Variants in FERRY3 observed in about 807,000 individuals in gnomAD.
FERRY3 encodes FERRY endosomal RAB5 effector complex subunit 3.
the FERRY3 span, among the ~76,000 whole-genome samples, chr12:4,526,644 C>G: frequency 6.6e-6 from 1 of 152,006 alleles, no homozygotes; most frequent in Non-Finnish European, 1.5e-5. Flanking sequence ...GAGTTCAAGA[C>G]CAGCCTGGCC....
At chr12:4,538,045 A>G in the FERRY3 span, among the ~76,000 whole-genome samples, 1 of 152,156 alleles carries the variant, frequency 6.6e-6, no homozygotes, top group Non-Finnish European at 1.5e-5. Flanking sequence ...ATGAATCAGG[A>G]ATGTTGAAAA....
the FERRY3 span, among the ~76,000 whole-genome samples, chr12:4,506,240 A>G: frequency 6.6e-6 from 1 of 152,190 alleles, no homozygotes; most frequent in African/African-American, 2.4e-5. Context: ...CCAATTAAAA[A>G]CTATTTTGGA....
chr12:4,517,950 G>A, the FERRY3 span: 1 of 888,808 alleles, frequency 1.1e-6, no homozygotes, highest in Non-Finnish European at 1.7e-6. Flanking sequence ...CTACTTGGAT[G>A]TCAAGGTGAT....
At chr12:4,491,498 C>A in the FERRY3 span, among the ~76,000 whole-genome samples, 1 of 152,100 alleles carries the variant, frequency 6.6e-6, no homozygotes. Context: ...CTGGATAATT[C>A]TAAAGACAAA....
the FERRY3 span, among the ~76,000 whole-genome samples, chr12:4,532,707 C>T: frequency 6.6e-6 from 1 of 151,976 alleles, no homozygotes; most frequent in Non-Finnish European, 1.5e-5. Flanking sequence ...ATAAGTTTCT[C>T]AATGTTTTCA....
At chr12:4,501,433 G>GCTGC in the FERRY3 span, among the ~76,000 whole-genome samples, 5 of 152,166 alleles carry the variant, frequency 3.3e-5, no homozygotes, top group Non-Finnish European at 7.3e-5. Flanking sequence ...GGGCTGCATA[G>GCTGC]TGGGAGGTGA....
the FERRY3 span, chr12:4,516,944 AT>A: frequency 1.4e-5 from 14 of 1,000,204 alleles, no homozygotes; most frequent in South Asian, 6.8e-4. Context: ...AAAAATCTTA[AT>A]TTTGTTTTTA....
chr12:4,488,129 AC>A, the FERRY3 span: 1 of 152,190 alleles, frequency 6.6e-6, no homozygotes, highest in Admixed American at 6.5e-5. This position sits in a 1 kb window ranked among gnomAD's most constrained non-coding sequence, Gnocchi z 4.9. Flanking sequence ...TGGAAAACGG[AC>A]ATTCGATAAA....
the FERRY3 span, among the ~76,000 whole-genome samples, chr12:4,505,137 C>T: frequency 6.6e-6 from 1 of 152,126 alleles, no homozygotes; most frequent in African/African-American, 2.4e-5. Flanking sequence ...AAGTTTAACA[C>T]TGGAAAACGT....
the FERRY3 span, among the ~76,000 whole-genome samples, chr12:4,529,300 T>C: frequency 6.6e-6 from 1 of 152,228 alleles, no homozygotes; most frequent in Non-Finnish European, 1.5e-5. Flanking sequence ...ACAATACTAG[T>C]GTTATTATTT....
the FERRY3 span, among the ~76,000 whole-genome samples, chr12:4,532,943 A>G: frequency 1.3e-5 from 2 of 152,160 alleles, no homozygotes; most frequent in African/African-American, 4.8e-5. Flanking sequence ...AACTCTATAA[A>G]GTTTATGGTG....
chr12:4,530,947 T>C, the FERRY3 span, among the ~76,000 whole-genome samples: 1 of 152,154 alleles, frequency 6.6e-6, no homozygotes, highest in Non-Finnish European at 1.5e-5. Flanking sequence ...TTTTCCATTA[T>C]AGATCTTTGC....
chr12:4,507,993 T>C, the FERRY3 span, among the ~76,000 whole-genome samples: 2 of 152,196 alleles, frequency 1.3e-5, no homozygotes, highest in Non-Finnish European at 1.5e-5. Context: ...ACAGTTTGAA[T>C]TGTGAATTTT....
the FERRY3 span, among the ~76,000 whole-genome samples, chr12:4,504,104 A>T: frequency 2.4e-4 from 36 of 152,158 alleles, no homozygotes; most frequent in Non-Finnish European, 4.0e-4. Flanking sequence ...GTGGGAGGAA[A>T]TTTCGAGGCT....
the FERRY3 span, among the ~76,000 whole-genome samples, chr12:4,501,587 C>T: frequency 5.3e-5 from 8 of 152,098 alleles, no homozygotes; most frequent in African/African-American, 1.4e-4. Flanking sequence ...ACTGTGCATG[C>T]GAGGGATCTA....
the FERRY3 span, chr12:4,487,882 C>G: frequency 2.0e-5 from 3 of 152,280 alleles, no homozygotes; most frequent in African/African-American, 7.2e-5. Context: ...ACCACTCCCC[C>G]TCAAGAAGCC....
At chr12:4,493,980 C>G in the FERRY3 span, among the ~76,000 whole-genome samples, 1 of 152,034 alleles carries the variant, frequency 6.6e-6, no homozygotes, top group Non-Finnish European at 1.5e-5. Context: ...GTAATCCCAG[C>G]TACTTGGGAG....
At chr12:4,492,669 G>A in the FERRY3 span, among the ~76,000 whole-genome samples, 3 of 151,948 alleles carry the variant, frequency 2.0e-5, no homozygotes, top group Non-Finnish European at 4.4e-5. Flanking sequence ...ACCTATCTCT[G>A]AAGGTCTTTG....
chr12:4,500,129 T>A, the FERRY3 span: 1 of 1,603,696 alleles, frequency 6.2e-7, no homozygotes, highest in African/African-American at 1.3e-5. Flanking sequence ...GATTTTTCTA[T>A]CTGCTTACCT....
Sources: gnomAD v4.1 joint callset for allele counts (sites outside exome capture counted in the v4.1 genomes callset) on GRCh38, gnomAD v4.1.1 for gene constraint, Gnocchi (gnomAD v3.1) non-coding constraint, MANE v1.5 for transcripts, NCBI Gene and HGNC (gene_info 2026-07-23, HGNC 2026-07-21) for gene names.